Variants in NTM observed in about 807,000 individuals in gnomAD.
NTM encodes the protein neurotrimin.
A neutral mutation model predicts 42.1 loss-of-function variants in NTM; 13 were observed. The ratio of observed to expected loss-of-function variants is 0.31; its 90% CI spans 0.20 to 0.49. The LOEUF (loss-of-function observed/expected upper bound fraction) is 0.49. NTM is among the 20% of genes least tolerant of loss of function. NTM has a pLI of 0.99. For missense variants in NTM, 373 were observed against 452.8 expected (o/e 0.82, Z 1.60); for synonymous variants, 187 against 179.2 (o/e 1.04, Z -0.35).
intron 1 of NTM, among the ~76,000 whole-genome samples, chr11:131,608,007 A>C (rs1285919412): frequency 6.6e-6 from 1 of 151,824 alleles, no homozygotes; most frequent in African/African-American, 2.4e-5. Flanking sequence ...GCACCCATTA[A>C]CTCGTCATTT....
At chr11:131,611,708 C>G (rs879297175) in intron 1 of NTM, among the ~76,000 whole-genome samples, 1 of 152,186 alleles carries the variant, frequency 6.6e-6, no homozygotes, top group African/African-American at 2.4e-5. Context: ...AGGAAGACCT[C>G]GTGCTGGAAC....
At chr11:131,560,025 A>AT (rs1405038539) in intron 1 of NTM, among the ~76,000 whole-genome samples, 1 of 152,214 alleles carries the variant, frequency 6.6e-6, no homozygotes, top group Non-Finnish European at 1.5e-5. Flanking sequence ...TGACTCTGCA[A>AT]TTGGTGCTAT....
intron 2 of NTM, among the ~76,000 whole-genome samples, chr11:131,940,164 T>C (rs2059644297): frequency 6.6e-6 from 1 of 152,252 alleles, no homozygotes; most frequent in African/African-American, 2.4e-5. Flanking sequence ...CTGGCTTGTC[T>C]TTACATTACA....
At chr11:131,529,119 A>C (rs2050895145) in intron 1 of NTM, among the ~76,000 whole-genome samples, 1 of 152,202 alleles carries the variant, frequency 6.6e-6, no homozygotes, top group African/African-American at 2.4e-5. Context: ...GCTGTCATGC[A>C]GTTTCTGCTA....
intron 1 of NTM, among the ~76,000 whole-genome samples, chr11:131,490,671 G>A (rs1954684392): frequency 6.6e-6 from 1 of 152,174 alleles, no homozygotes; most frequent in African/African-American, 2.4e-5. Context: ...TGTGGAAGAG[G>A]CACTAAGAAG....
chr11:132,266,311 T>C (rs1003018091), intron 4 of NTM, among the ~76,000 whole-genome samples: 8 of 152,132 alleles, frequency 5.3e-5, no homozygotes, highest in Non-Finnish European at 1.2e-4. Flanking sequence ...TGAGTCCAGC[T>C]AAGGCACAGG....
intron 1 of NTM, among the ~76,000 whole-genome samples, chr11:131,667,068 T>C (rs1170623042): frequency 3.3e-5 from 5 of 152,174 alleles, no homozygotes; most frequent in Admixed American, 1.3e-4. Context: ...GTCCTCACAA[T>C]TATGCTGCAA....
chr11:132,080,067 T>C (rs2058843697), intron 2 of NTM, among the ~76,000 whole-genome samples: 1 of 152,130 alleles, frequency 6.6e-6, no homozygotes, highest in African/African-American at 2.4e-5. Context: ...GTATGATAAA[T>C]GTGAAGAGTT....
intron 2 of NTM, among the ~76,000 whole-genome samples, chr11:132,059,233 A>T (rs2080214144): frequency 6.6e-6 from 1 of 152,174 alleles, no homozygotes; most frequent in Non-Finnish European, 1.5e-5. Context: ...CTTGTCGGAC[A>T]CATGGGATTC....
chr11:131,633,774 T>TCC (rs1198603406), intron 1 of NTM, among the ~76,000 whole-genome samples: 27 of 65,314 alleles, frequency 4.1e-4, no homozygotes, highest in African/African-American at 1.0e-3. Flanking sequence ...TCCCTCTCTC[T>TCC]CTCTCTCTCT....
chr11:131,930,042 G>A (rs565246761), intron 2 of NTM, among the ~76,000 whole-genome samples: 6 of 152,190 alleles, frequency 3.9e-5, no homozygotes, highest in African/African-American at 1.2e-4. Context: ...TGCCTTGCTC[G>A]GTGTTGGGGG....
chr11:131,835,218 T>G (rs1007854001), intron 1 of NTM, among the ~76,000 whole-genome samples: 1 of 152,118 alleles, frequency 6.6e-6, no homozygotes, highest in Middle Eastern at 3.2e-3. Flanking sequence ...GTTTGAAAAT[T>G]GAAAATTCTG....
intron 2 of NTM, among the ~76,000 whole-genome samples, chr11:132,007,927 T>C (rs749547687): frequency 1.3e-5 from 2 of 152,102 alleles, no homozygotes; most frequent in Non-Finnish European, 2.9e-5. Context: ...AGAATAACCC[T>C]GGATGGAGTT....
rs370257343 is a variant in NTM, at chr11:131,968,469, C to T, written c.167+56821C>T. ...ATTAAGGTTAAAGAGTGGCAGGTGG[C>T]GGCCCTTCTTCCAATCGTACCCAGC... On this transcript the variant is annotated intron_variant, in intron 2 of 8. Coordinates refer to ENST00000683400, the MANE Select transcript of NTM (RefSeq NM_001352005.2). Among the ~76,000 whole-genome samples the T allele has an allele frequency of 2.7e-4, 41 of 152,182 alleles. 1 individual carries two copies. The South Asian group carries it at 5.4e-3, about 20-fold the overall frequency.
intron 3 of NTM, among the ~76,000 whole-genome samples, chr11:132,150,649 T>C (rs573948685): frequency 2.0e-5 from 3 of 151,950 alleles, no homozygotes; most frequent in Non-Finnish European, 4.4e-5. Context: ...TTAGCTTCAA[T>C]TGTTTAAAAA....
chr11:131,764,233 C>T (rs750259065), intron 1 of NTM, among the ~76,000 whole-genome samples: 4 of 152,158 alleles, frequency 2.6e-5, no homozygotes, highest in Non-Finnish European at 5.9e-5. Context: ...AGCTATATAA[C>T]ATTTGGTACT....
At chr11:131,970,770 G>C (rs1471105482) in intron 2 of NTM, among the ~76,000 whole-genome samples, 1 of 152,146 alleles carries the variant, frequency 6.6e-6, no homozygotes, top group African/African-American at 2.4e-5. Context: ...ACATTCCTCA[G>C]TTCATAGCAC....
chr11:132,128,122 G>A (rs2066162882), intron 2 of NTM, among the ~76,000 whole-genome samples: 1 of 152,220 alleles, frequency 6.6e-6, no homozygotes, highest in African/African-American at 2.4e-5. Flanking sequence ...AGGGCAGATG[G>A]CTGGGGACAG....
chr11:131,633,627 CTA>C lies in NTM; in HGVS notation c.82+262741_82+262742del, dbSNP rs1491083016. On this transcript the variant is annotated intron_variant, in intron 1 of 8. Coordinates refer to ENST00000683400, the MANE Select transcript of NTM (RefSeq NM_001352005.2). ...TCCCTCTCTCACTCTCTCCCTCTCT[CTA>C]TCTCTGCCTCTCTCTCCCTCTCTCT... 3.7e-3 allele frequency among the ~76,000 whole-genome samples: 520 copies of C among 139,512 alleles called. 8 individuals carry two copies. The highest frequency in any genetic ancestry group is 4.5e-3 in the African/African-American group (168 of 37,026). 91.5% of individuals were successfully genotyped at this position (139,512 alleles called of 152,430 possible).
Sources: allele counts gnomAD v4.1 joint callset (sites outside exome capture counted in the v4.1 genomes callset), GRCh38; gene constraint gnomAD v4.1.1; transcripts MANE v1.5; gene names NCBI Gene and HGNC (gene_info 2026-07-23, HGNC 2026-07-21).